CCDC142: variants seen among roughly 807,000 people sequenced by gnomAD.
CCDC142 encodes the protein coiled-coil domain-containing protein 142.
Under a neutral mutation model 83.8 loss-of-function variants are expected in CCDC142, and 67 were observed. The observed-to-expected ratio is 0.80, with a 90% CI of 0.66 to 0.98. CCDC142 has a LOEUF of 0.98. CCDC142 is among the 50% of genes least tolerant of loss of function. The pLI, the probability that CCDC142 is intolerant of heterozygous loss-of-function variation, is 0.00. For missense variants in CCDC142, 905 were observed against 946.8 expected, an observed-to-expected ratio of 0.96 and a Z score of 0.58; for synonymous variants, 421 against 421.2, an observed-to-expected ratio of 1.00 and a Z score of 0.01.
At chr2:74,479,325 T>C (rs1285453754) in intron 5 of CCDC142, among the ~76,000 whole-genome samples, 2 of 152,232 alleles carry the variant, frequency 1.3e-5, no homozygotes, top group East Asian at 3.9e-4. Flanking sequence ...CACACCCCTA[T>C]TCGGGGCAAA....
Position 74,475,201 on chromosome 2 carries a change from GCCACTT to G in CCDC142, c.1796+18_1796+23del. On this transcript the variant is annotated intron_variant, in intron 7 of 8. Transcript: ENST00000393965. ...CTTTTCCCAGTTCCATTCACCCCCT[GCCACTT>G]CCACCTTTACTCCTGACCTGAACCG... The G allele has an allele frequency of 6.2e-7, 1 of 1,614,064 alleles. No homozygotes were observed. The highest frequency in any genetic ancestry group is 8.5e-7 in the Non-Finnish European group (1 of 1,179,980).
chr2:74,482,998 T>C lies in CCDC142; in HGVS notation c.-161A>G. On this transcript the variant is annotated 5_prime_UTR_variant, in exon 1 of 9. Transcript: ENST00000393965. The surrounding 1 kb of genome is among the most constrained non-coding windows in gnomAD (Gnocchi z 5.0). ...CTCGTGCTCCGTAATGGGAGGCTTC[T>C]GCCCCTAACAAACATGGCCGCCCAC... 6.3e-7 allele frequency: 1 copy of C among 1,588,982 alleles called. No homozygotes were observed. The highest frequency in any genetic ancestry group is 1.1e-5 in the South Asian group (1 of 90,524).
Position 74,482,111 on chromosome 2 carries a change from G to C in CCDC142, c.727C>G (p.Arg243Gly), listed in dbSNP as rs202046814. ...SRVLRLLTGE[R>G]GCQVASRLDE... ...AGCCGACTTGCCACCTGGCAACCCC[G>C]CTCCCCCGTCAAGAGGCGGAGCACA... Residue 243 changes from arginine to glycine, a missense_variant, in exon 1 of 9, where the codon CGG (arginine) becomes GGG (glycine). By Grantham distance (125) the Arg-to-Gly change is moderately radical. Coordinates refer to ENST00000393965, the MANE Select transcript of CCDC142 (RefSeq NM_001365575.2). This position sits in a 1 kb window ranked among gnomAD's most constrained non-coding sequence, Gnocchi z 5.0. 1 of 1,613,628 alleles carries C rather than the reference G, an allele frequency of 6.2e-7. No individual in the cohort carries two copies. The highest frequency in any genetic ancestry group is 1.1e-5 in the South Asian group (1 of 91,060).
Position 74,481,820 on chromosome 2 carries a change from G to A in CCDC142, c.1018C>T (p.Gln340Ter). The change falls in exon 1 of 9, where the codon CAG becomes TAG. Residue 340 changes from glutamine to a stop codon, truncating the protein, a stop_gained. Transcript: ENST00000393965. LOFTEE classifies it high-confidence loss of function. Reference protein sequence around the residue: ...TAQQLSQALGQASLPQECEKE... With the variant: ...TAQQLSQALG ...CCCACCCAAGCCCATCACTCACCCT[G>A]ACCCAGTGCCTGACTCAGCTGTTGC... The A allele has an allele frequency of 6.2e-7, 1 of 1,609,230 alleles. No individual in the cohort carries two copies. Among genetic ancestry groups the A allele is most frequent in the Non-Finnish European group, 8.5e-7 (1 of 1,176,594 alleles).
chr2:74,482,594 C>G lies in CCDC142; in HGVS notation c.244G>C (p.Gly82Arg). Residue 82 changes from glycine (G) to arginine (R), a missense_variant, in exon 1 of 9, where the codon GGC (glycine) becomes CGC (arginine). Gly to Arg is a moderately radical substitution (Grantham distance 125). Coordinates refer to ENST00000393965, the MANE Select transcript of CCDC142 (RefSeq NM_001365575.2). This position sits in a 1 kb window ranked among gnomAD's most constrained non-coding sequence, Gnocchi z 5.0. ...AAWRRGPAGG[G>R]PIPPALQRLR... is the part of the protein sequence containing the mutation. ...CGCTGCAGCGCGGGAGGGATCGGGCCGCCACCTGCGGGCCCCCGCCTCCAG... is the reference window on the plus strand; with the variant it reads ...CGCTGCAGCGCGGGAGGGATCGGGCGGCCACCTGCGGGCCCCCGCCTCCAG... 2 of 1,604,230 alleles carry G rather than the reference C, an allele frequency of 1.2e-6. No individual in the cohort carries two copies. The highest frequency in any genetic ancestry group is 8.5e-7 in the Non-Finnish European group (1 of 1,175,532).
At position 74,474,341 on chromosome 2, in the gene CCDC142, C is replaced by A. The variant is rs1427760193; in HGVS notation, c.*205G>T. 1.2e-5 allele frequency: 7 copies of A among 572,308 alleles called. No homozygotes were observed. Among genetic ancestry groups the A allele is most frequent in the Non-Finnish European group, 1.7e-5 (6 of 344,300 alleles). 35.5% of individuals were successfully genotyped at this position (572,308 alleles called of 1,614,324 possible). ...CTCATGATCCGCCTGCCTCGGTCTC[C>A]CAAAGTGCTGGATTACAGGCGTGAG... On this transcript the variant is annotated 3_prime_UTR_variant, in exon 9 of 9. Coordinates refer to ENST00000393965, the MANE Select transcript of CCDC142 (RefSeq NM_001365575.2).
Position 74,482,104 on chromosome 2 carries a change from C to T in CCDC142, c.734G>A (p.Cys245Tyr). The T allele has an allele frequency of 6.2e-7, 1 of 1,613,632 alleles. No homozygotes were observed. The highest frequency in any genetic ancestry group is 8.5e-7 in the Non-Finnish European group (1 of 1,179,954). Residue 245 changes from cysteine (C) to tyrosine (Y), a missense_variant, in exon 1 of 9, where the codon TGC (cysteine) becomes TAC (tyrosine). Physicochemically the swap from Cys to Tyr is radical, Grantham distance 194 (BLOSUM62 -2). Coordinates refer to ENST00000393965, the MANE Select transcript of CCDC142 (RefSeq NM_001365575.2). The surrounding 1 kb of genome is among the most constrained non-coding windows in gnomAD (Gnocchi z 5.0). The stretch of plus-strand genomic sequence containing the variant: ...CTCGTCCAGCCGACTTGCCACCTGG[C>T]AACCCCGCTCCCCCGTCAAGAGGCG... ...VLRLLTGERG[C>Y]QVASRLDEAL...
intron 6 of CCDC142, 105 bp from the exon 7 acceptor site, chr2:74,475,507 C>A: frequency 6.8e-7 from 1 of 1,461,336 alleles, no homozygotes; most frequent in Admixed American, 2.1e-5. Context: ...GGTACAGAAG[C>A]TGAGGACAAG....
intron 5 of CCDC142, among the ~76,000 whole-genome samples, chr2:74,478,011 T>A (rs188772035): frequency 0.04 from 5,811 of 146,538 alleles, 366 homozygotes; most frequent in African/African-American, 0.13. Flanking sequence ...TATATATATA[T>A]AAATAGATAT....
intron 1 of CCDC142, 72 bp from the exon 2 acceptor site, chr2:74,481,610 G>A: frequency 6.8e-7 from 1 of 1,464,188 alleles, no homozygotes; most frequent in South Asian, 1.2e-5. Flanking sequence ...ACTCAATGAT[G>A]AGGCAAGAAG....
rs770154266 is a variant in CCDC142, at chr2:74,481,843, T to TG, written c.994dup (p.Gln332ProfsTer17). The TG allele has an allele frequency of 6.2e-7, 1 of 1,613,536 alleles. No homozygotes were observed. Among genetic ancestry groups the TG allele is most frequent in the Non-Finnish European group, 8.5e-7 (1 of 1,179,568 alleles). Reference sequence around the variant, plus strand: ...CTGACCCAGTGCCTGACTCAGCTGTTGCGCTGTTGCCCTGGGGTCCCTCCA... The same window carrying TG: ...CTGACCCAGTGCCTGACTCAGCTGTTGGCGCTGTTGCCCTGGGGTCCCTCCA... On this transcript the variant is annotated frameshift_variant, in exon 1 of 9. Transcript: ENST00000393965. LOFTEE classifies it high-confidence loss of function.
intron 5 of CCDC142, among the ~76,000 whole-genome samples, chr2:74,478,073 CTT>C (rs962747208): frequency 7.1e-6 from 1 of 141,360 alleles, no homozygotes; most frequent in Admixed American, 7.1e-5. Flanking sequence ...TATATATATA[CTT>C]TTTTTTTTTT....
At chr2:74,479,696 C>T (rs892310099) in intron 5 of CCDC142, among the ~76,000 whole-genome samples, 4 of 152,160 alleles carry the variant, frequency 2.6e-5, no homozygotes, top group African/African-American at 4.8e-5. Flanking sequence ...TGGGCTCAAA[C>T]GATCCTCTTG....
chr2:74,474,323 T>TCCG lies in CCDC142; in HGVS notation c.*220_*222dup. On this transcript the variant is annotated 3_prime_UTR_variant, in exon 9 of 9. Coordinates refer to ENST00000393965, the MANE Select transcript of CCDC142 (RefSeq NM_001365575.2). ...TGGTCTTGATCTCCTGACCTCATGA[T>TCCG]CCGCCTGCCTCGGTCTCCCAAAGTG... is the stretch of plus-strand genomic sequence containing the variant. 2.1e-6 allele frequency: 1 copy of TCCG among 484,086 alleles called. No individual in the cohort carries two copies. Among genetic ancestry groups the TCCG allele is most frequent in the East Asian group, 3.9e-5 (1 of 25,796 alleles). 30.0% of individuals were successfully genotyped at this position (484,086 alleles called of 1,614,324 possible). A position where few individuals can be genotyped will look rare whatever the true frequency, so the allele number is the denominator to read the frequency against.
intron 1 of CCDC142, 86 bp downstream of exon 1, chr2:74,481,731 C>A: frequency 1.3e-6 from 2 of 1,498,344 alleles, no homozygotes; most frequent in Non-Finnish European, 1.8e-6. Context: ...CCTGCTTTTG[C>A]CTTCAGGATG....
Position 74,475,732 on chromosome 2 carries a change from G to T in CCDC142, c.1504-6C>A, listed in dbSNP as rs189821162. ...AGTGACTCTTCAGGCAGGAGCTGTA[G>T]GGATAGGGAGAAAGTAAAAGGGGCT... On this transcript the variant is annotated splice_region_variant and splice_polypyrimidine_tract_variant and intron_variant, in intron 5 of 8. Coordinates refer to ENST00000393965, the MANE Select transcript of CCDC142 (RefSeq NM_001365575.2). The T allele has an allele frequency of 6.4e-7, 1 of 1,571,044 alleles. No homozygotes were observed.
chr2:74,475,159 TC>T (rs769120671), intron 7 of CCDC142, 44 bp from the exon 8 acceptor site: 1 of 1,612,416 alleles, frequency 6.2e-7, no homozygotes, highest in East Asian at 2.2e-5. Flanking sequence ...CTCCTGCCTC[TC>T]CCACTTATCC....
chr2:74,475,495 AG>A (rs1180289454), intron 6 of CCDC142, 93 bp from the exon 7 acceptor site: 2 of 1,466,400 alleles, frequency 1.4e-6, no homozygotes, highest in Non-Finnish European at 9.3e-7. Flanking sequence ...TCAGGAGGGA[AG>A]GGTACAGAAG....
chr2:74,475,463 T>G (rs1672302421), intron 6 of CCDC142, 61 bp from the exon 7 acceptor site: 2 of 1,516,302 alleles, frequency 1.3e-6, no homozygotes, highest in East Asian at 4.5e-5. Flanking sequence ...AAATGGAGTG[T>G]TTGGGAGAAG....
Sources: allele counts gnomAD v4.1 joint callset (sites outside exome capture counted in the v4.1 genomes callset), GRCh38; gene constraint gnomAD v4.1.1; non-coding constraint Gnocchi (gnomAD v3.1); transcripts MANE v1.5; gene names NCBI Gene and HGNC (gene_info 2026-07-23, HGNC 2026-07-21).